The following COL5A2 variants were observed in gnomAD, a reference collection of about 807,000 sequenced individuals.
COL5A2 encodes the protein collagen type V alpha 2 chain, also known as collagen alpha-2(V) chain.
A neutral mutation model predicts 208.2 loss-of-function variants in COL5A2; 23 were observed. The observed-to-expected ratio is 0.11, with a 90% CI of 0.08 to 0.16. COL5A2 has a LOEUF of 0.16. COL5A2 is among the 10% of genes least tolerant of loss of function. COL5A2 has a pLI of 1.00. For missense variants in COL5A2, 1,590 were observed against 1,956.4 expected (o/e 0.81, Z 3.53); for synonymous variants, 625 against 628.5 (o/e 0.99, Z 0.08).
intron 1 of COL5A2, among the ~76,000 whole-genome samples, chr2:189,224,970 G>A (rs559290898): frequency 1.4e-4 from 22 of 152,090 alleles, no homozygotes; most frequent in African/African-American, 2.4e-4. Context: ...GGCATGTCAC[G>A]AAAGAATACA....
At chr2:189,051,511 A>C (rs1412117426) in intron 41 of COL5A2, 30 bp from the exon 42 acceptor site, 1 of 1,583,630 alleles carries the variant, frequency 6.3e-7, no homozygotes, top group African/African-American at 1.4e-5. Context: ...AACACCAAGG[A>C]GGGCAAAATG....
the COL5A2 span, among the ~76,000 whole-genome samples, chr2:189,405,304 T>A: frequency 6.6e-6 from 1 of 152,124 alleles, no homozygotes; most frequent in Non-Finnish European, 1.5e-5. Context: ...CAATCTTGGC[T>A]CACTGCAACC....
At chr2:189,312,458 C>T in the COL5A2 span, among the ~76,000 whole-genome samples, 2 of 152,138 alleles carry the variant, frequency 1.3e-5, no homozygotes, top group African/African-American at 4.8e-5. Context: ...TGCTGACCGG[C>T]CGGGCGCCGT....
At chr2:189,211,162 T>A (rs1248314114) in intron 1 of COL5A2, among the ~76,000 whole-genome samples, 1 of 152,216 alleles carries the variant, frequency 6.6e-6, no homozygotes, top group Non-Finnish European at 1.5e-5. Context: ...CAGTTATGAT[T>A]TGTTTAACAG....
chr2:189,088,040 C>G (rs890459827), intron 8 of COL5A2, among the ~76,000 whole-genome samples: 1 of 152,172 alleles, frequency 6.6e-6, no homozygotes, highest in Admixed American at 6.5e-5. Flanking sequence ...TGATTTTGCA[C>G]TTCTTATTGC....
the COL5A2 span, among the ~76,000 whole-genome samples, chr2:189,368,443 AG>A: frequency 6.6e-6 from 1 of 152,148 alleles, no homozygotes; most frequent in South Asian, 2.1e-4. Context: ...TGGTTTTCCA[AG>A]GGGGAAAAAA....
the COL5A2 span, among the ~76,000 whole-genome samples, chr2:189,275,722 A>AT: frequency 6.6e-6 from 1 of 152,122 alleles, no homozygotes; most frequent in Non-Finnish European, 1.5e-5. Flanking sequence ...AAGTGCTGGG[A>AT]TTACAGGCAT....
the COL5A2 span, among the ~76,000 whole-genome samples, chr2:189,440,370 C>T: frequency 6.6e-6 from 1 of 152,204 alleles, no homozygotes; most frequent in African/African-American, 2.4e-5. Flanking sequence ...GCCTACTACA[C>T]ACCTAGGCTG....
intron 50 of COL5A2, among the ~76,000 whole-genome samples, chr2:189,040,922 T>G (rs1685547641): frequency 6.6e-6 from 1 of 152,118 alleles, no homozygotes; most frequent in South Asian, 2.1e-4. Context: ...AATATCTGGC[T>G]TAACAGTATT....
the COL5A2 span, among the ~76,000 whole-genome samples, chr2:189,378,672 A>C: frequency 7.9e-5 from 12 of 151,532 alleles, no homozygotes; most frequent in African/African-American, 2.2e-4. Flanking sequence ...TGCAGTGAGC[A>C]GAGATCACGC....
chr2:189,053,155 G>GA lies in COL5A2; in HGVS notation c.2554-138dup, dbSNP rs1258917128. The GA allele has an allele frequency of 7.5e-6, 6 of 798,398 alleles. No individual in the cohort carries two copies. The East Asian group carries it at 1.1e-4, about 14-fold the overall frequency. 49.5% of individuals were successfully genotyped at this position (798,398 alleles called of 1,614,324 possible). On this transcript the variant is annotated intron_variant, in intron 38 of 53. Coordinates refer to ENST00000374866, the MANE Select transcript of COL5A2 (RefSeq NM_000393.5). ...TAATCAGTATTAAAGCATACTAAAGGAAAAAAAGTACTCTGATGAGATCTT... is the reference window on the plus strand; with the variant it reads ...TAATCAGTATTAAAGCATACTAAAGGAAAAAAAAGTACTCTGATGAGATCTT...
At chr2:189,074,254 C>G (rs1047337586) in intron 17 of COL5A2, among the ~76,000 whole-genome samples, 2 of 151,986 alleles carry the variant, frequency 1.3e-5, no homozygotes, top group African/African-American at 2.4e-5. Context: ...CAGAAAAGAG[C>G]TCAAAAACCC....
intron 1 of COL5A2, among the ~76,000 whole-genome samples, chr2:189,134,286 A>G (rs1014905844): frequency 6.6e-6 from 1 of 152,102 alleles, no homozygotes; most frequent in East Asian, 1.9e-4. Flanking sequence ...GCTAGACTCT[A>G]TTTTTAAAGT....
chr2:189,238,852 T>C, the COL5A2 span, among the ~76,000 whole-genome samples: 1 of 152,120 alleles, frequency 6.6e-6, no homozygotes, highest in Non-Finnish European at 1.5e-5. Context: ...GTGGGGATTA[T>C]GGGGATTCTA....
At chr2:189,061,527 T>C (rs1195702871) in intron 30 of COL5A2, 35 bp downstream of exon 30, 1 of 1,496,710 alleles carries the variant, frequency 6.7e-7, no homozygotes, top group South Asian at 1.1e-5. Context: ...TTTTAGTTAA[T>C]GGAAGATGAA....
chr2:189,055,582 T>C (rs1364255841), intron 35 of COL5A2, among the ~76,000 whole-genome samples: 1 of 152,234 alleles, frequency 6.6e-6, no homozygotes, highest in Non-Finnish European at 1.5e-5. Flanking sequence ...TCCAATAATT[T>C]ATGTAATATA....
intron 1 of COL5A2, among the ~76,000 whole-genome samples, chr2:189,179,012 G>A (rs1688734541): frequency 6.6e-6 from 1 of 152,092 alleles, no homozygotes; most frequent in Non-Finnish European, 1.5e-5. Context: ...AAAGAATGAG[G>A]AGCCAAAGAC....
intron 1 of COL5A2, among the ~76,000 whole-genome samples, chr2:189,131,131 TA>T: frequency 6.6e-6 from 1 of 152,206 alleles, no homozygotes; most frequent in Non-Finnish European, 1.5e-5. Flanking sequence ...AGCTCACAAA[TA>T]AAGTAGAATT....
the COL5A2 span, among the ~76,000 whole-genome samples, chr2:189,411,618 C>G: frequency 6.6e-6 from 1 of 151,376 alleles, no homozygotes; most frequent in Non-Finnish European, 1.5e-5. Context: ...ATATTTGGAA[C>G]TATAGCAGTA....
Sources: allele counts gnomAD v4.1 joint callset (sites outside exome capture counted in the v4.1 genomes callset), GRCh38; gene constraint gnomAD v4.1.1; transcripts MANE v1.5; gene names NCBI Gene and HGNC (gene_info 2026-07-23, HGNC 2026-07-21).